Variants in DLGAP2 observed in about 807,000 individuals in gnomAD.
The protein encoded by DLGAP2 is disks large-associated protein 2.
Under a neutral mutation model 100.3 loss-of-function variants are expected in DLGAP2, and 26 were observed. That is an observed-to-expected ratio of 0.26 (90% CI 0.19 to 0.36). The LOEUF (loss-of-function observed/expected upper bound fraction) is 0.36, where lower values mean the gene tolerates loss of function less well. Ranked by LOEUF, DLGAP2 falls within the 10% of genes least tolerant of loss-of-function variation. DLGAP2 has a pLI of 1.00. For synonymous variants in DLGAP2, 886 were observed against 630.1 expected (o/e 1.41, Z -6.08); for missense variants, 1,858 against 1,453.2 (o/e 1.28, Z -4.53).
At chr8:1,286,598 C>G (rs1426902792) in intron 3 of DLGAP2, among the ~76,000 whole-genome samples, 1 of 152,172 alleles carries the variant, frequency 6.6e-6, no homozygotes, top group Non-Finnish European at 1.5e-5. Context: ...CCCATACCCT[C>G]CTCTGCTGCT....
Position 929,973 on chromosome 8 carries a change from C to T in DLGAP2, c.73+22007C>T, listed in dbSNP as rs148120776. On this transcript the variant is annotated intron_variant, in intron 2 of 14. Transcript: ENST00000637795. ...GTGTATTTTTTTCTTCCTGCCATTG[C>T]AGTTCTAATTTTCTGTGTTGTGTCT... Among the ~76,000 whole-genome samples, 119 of 152,058 alleles carry T rather than the reference C, an allele frequency of 7.8e-4. 1 individual carries two copies. Among genetic ancestry groups the T allele is most frequent in the African/African-American group, 2.8e-3 (118 of 41,470 alleles).
At chr8:1,472,303 C>G (rs1339749177) in intron 3 of DLGAP2, among the ~76,000 whole-genome samples, 1 of 152,132 alleles carries the variant, frequency 6.6e-6, no homozygotes, top group Non-Finnish European at 1.5e-5. Context: ...GAGGACGCAG[C>G]TGGGAGGGAG....
intron 1 of DLGAP2, among the ~76,000 whole-genome samples, chr8:906,924 G>T (rs1289710505): frequency 6.6e-6 from 1 of 152,188 alleles, no homozygotes; most frequent in Non-Finnish European, 1.5e-5. Flanking sequence ...ATTTGGGAGA[G>T]AATTGTTCTT....
At chr8:1,455,534 T>G (rs115282036) in intron 3 of DLGAP2, among the ~76,000 whole-genome samples, 2,672 of 152,290 alleles carry the variant, frequency 0.018, 80 homozygotes, top group African/African-American at 0.061. Context: ...AGGAAGTCAG[T>G]CCGCCTGACA....
chr8:1,488,617 G>A (rs1197363577), intron 3 of DLGAP2, among the ~76,000 whole-genome samples: 1 of 152,190 alleles, frequency 6.6e-6, no homozygotes, highest in Admixed American at 6.5e-5. Context: ...CCACACAGGA[G>A]AAAACAGGGG....
chr8:762,704 C>T (rs1176595135), intron 1 of DLGAP2, among the ~76,000 whole-genome samples: 1 of 152,104 alleles, frequency 6.6e-6, no homozygotes, highest in African/African-American at 2.4e-5. Flanking sequence ...CAGGGTCTCA[C>T]TCTAGCCCAG....
intron 2 of DLGAP2, among the ~76,000 whole-genome samples, chr8:1,128,836 G>T (rs1464437400): frequency 6.6e-6 from 1 of 152,224 alleles, no homozygotes; most frequent in Non-Finnish European, 1.5e-5. Context: ...AGTGTTGGAA[G>T]TCTGTTCTTT....
intron 2 of DLGAP2, among the ~76,000 whole-genome samples, chr8:1,027,585 G>C (rs1357846502): frequency 2.0e-5 from 3 of 148,506 alleles, no homozygotes; most frequent in African/African-American, 2.5e-5. Context: ...TTCTCCAGGT[G>C]GGGTGCCAGG....
chr8:1,381,994 CAAAT>C (rs1490878514), intron 3 of DLGAP2, among the ~76,000 whole-genome samples: 2 of 151,986 alleles, frequency 1.3e-5, no homozygotes, highest in Non-Finnish European at 2.9e-5. Flanking sequence ...TGAAAAAAAT[CAAAT>C]AAATACACAG....
chr8:881,049 C>T (rs1451939833), intron 1 of DLGAP2, among the ~76,000 whole-genome samples: 1 of 152,240 alleles, frequency 6.6e-6, no homozygotes, highest in African/African-American at 2.4e-5. Context: ...GGTCTACCTT[C>T]ATTTTGCAAA....
At chr8:1,527,470 T>C (rs927810372) in intron 4 of DLGAP2, among the ~76,000 whole-genome samples, 1 of 152,266 alleles carries the variant, frequency 6.6e-6, no homozygotes, top group African/African-American at 2.4e-5. Context: ...ATGAAATTAG[T>C]GTCTCACACA....
At chr8:903,727 C>T (rs1442178608) in intron 1 of DLGAP2, among the ~76,000 whole-genome samples, 1 of 152,210 alleles carries the variant, frequency 6.6e-6, no homozygotes, top group Non-Finnish European at 1.5e-5. Flanking sequence ...TGAAACGTGT[C>T]TCCCAAAAAG....
In DLGAP2 at chr8:1,417,692, G is replaced by GGGGCACGGGA. The variant is rs1554464154; in HGVS notation, c.107-83672_107-83671insGCACGGGAGG. On this transcript the variant is annotated intron_variant, in intron 3 of 14. Coordinates refer to ENST00000637795, the MANE Select transcript of DLGAP2 (RefSeq NM_001346810.2). The stretch of plus-strand genomic sequence containing the variant: ...CCGCGAGGCTCCAGGGGGGCACAGG[G>GGGGCACGGGA]GGCCCCACTCCTGCCTCACTCGGCG... 4.9e-4 allele frequency among the ~76,000 whole-genome samples: 34 copies of GGGGCACGGGA among 69,672 alleles called. 2 individuals are homozygous for GGGGCACGGGA. Among genetic ancestry groups the GGGGCACGGGA allele is most frequent in the African/African-American group, 1.4e-3 (32 of 23,140 alleles). The allele number at this position is 69,672 out of a possible 152,430, so 45.7% of individuals were successfully genotyped here.
At chr8:1,489,410 G>A (rs1799314311) in intron 3 of DLGAP2, among the ~76,000 whole-genome samples, 1 of 152,182 alleles carries the variant, frequency 6.6e-6, no homozygotes, top group African/African-American at 2.4e-5. Flanking sequence ...GCCATTATCT[G>A]TGTGAGGGAA....
In DLGAP2 at chr8:1,180,859, G is replaced by T. The variant is rs574019164; in HGVS notation, c.74-77992G>T. Among the ~76,000 whole-genome samples the T allele has an allele frequency of 6.0e-5, 6 of 99,370 alleles. No homozygotes were observed. In the East Asian group the frequency reaches 1.8e-3, roughly 30 times the overall value. The allele number at this position is 99,370 out of a possible 152,430, so 65.2% of individuals were successfully genotyped here. A position where few individuals can be genotyped will look rare whatever the true frequency, so the allele number is the denominator to read the frequency against. On this transcript the variant is annotated intron_variant, in intron 2 of 14. Coordinates refer to ENST00000637795, the MANE Select transcript of DLGAP2 (RefSeq NM_001346810.2). ...CCTGTGCAAGGGCAGTACACTTACCGTCGAATGTGGTGCATGTTGTGTGTA... is the reference window on the plus strand; with the variant it reads ...CCTGTGCAAGGGCAGTACACTTACCTTCGAATGTGGTGCATGTTGTGTGTA...
chr8:1,672,036 C>T (rs919919501), intron 10 of DLGAP2, among the ~76,000 whole-genome samples: 3 of 152,100 alleles, frequency 2.0e-5, no homozygotes, highest in African/African-American at 7.2e-5. Flanking sequence ...GTCTCTCCTG[C>T]TAAGTTTTCC....
At chr8:1,091,256 C>T (rs1293681416) in intron 2 of DLGAP2, among the ~76,000 whole-genome samples, 5 of 152,306 alleles carry the variant, frequency 3.3e-5, no homozygotes, top group Middle Eastern at 3.4e-3. Flanking sequence ...AATTCCAGAG[C>T]GGATACTCGA....
At chr8:893,189 G>A (rs1278942790) in intron 1 of DLGAP2, 2 of 152,210 alleles carry the variant, frequency 1.3e-5, no homozygotes, top group Non-Finnish European at 2.9e-5. Context: ...TGGAACCGAG[G>A]GCAGGCCGGA....
chr8:1,460,196 C>T (rs557913074), intron 3 of DLGAP2, among the ~76,000 whole-genome samples: 1 of 152,318 alleles, frequency 6.6e-6, no homozygotes, highest in Non-Finnish European at 1.5e-5. Context: ...AGAATTGAGC[C>T]TGTCATTGTG....
Sources: gnomAD v4.1 joint callset for allele counts (sites outside exome capture counted in the v4.1 genomes callset) on GRCh38, gnomAD v4.1.1 for gene constraint, MANE v1.5 for transcripts, NCBI Gene and HGNC (gene_info 2026-07-23, HGNC 2026-07-21) for gene names.